The following GSG1L variants were observed in gnomAD, a reference collection of about 807,000 sequenced individuals.
GSG1L encodes the protein germ cell-specific gene 1-like protein.
GSG1L carries 24 observed loss-of-function variants against 42.1 expected under a neutral mutation model. The observed-to-expected ratio is 0.57, with a 90% CI of 0.41 to 0.80. The LOEUF (loss-of-function observed/expected upper bound fraction) is 0.80. GSG1L is among the 30% of genes least tolerant of loss of function. GSG1L has a pLI of 0.00. For missense variants in GSG1L, 445 were observed against 472.2 expected, an observed-to-expected ratio of 0.94 and a Z score of 0.53; for synonymous variants, 215 against 203.5, an observed-to-expected ratio of 1.06 and a Z score of -0.48.
chr16:27,867,823 C>A (rs865794897), intron 3 of GSG1L, among the ~76,000 whole-genome samples: 27 of 152,100 alleles, frequency 1.8e-4, no homozygotes, highest in Admixed American at 1.6e-3. Context: ...CCCCCTGAGG[C>A]CAGCCACTTC....
At chr16:27,858,271 C>T (rs892216276) in intron 3 of GSG1L, among the ~76,000 whole-genome samples, 3 of 152,306 alleles carry the variant, frequency 2.0e-5, no homozygotes, top group East Asian at 3.9e-4. Flanking sequence ...CTCTTTACCC[C>T]GGGCACTTTA....
At chr16:27,979,686 AGAAGGAAGGAAG>A (rs1271446807) in intron 1 of GSG1L, among the ~76,000 whole-genome samples, 2 of 40,084 alleles carry the variant, frequency 5.0e-5, no homozygotes, top group Non-Finnish European at 9.4e-5. Flanking sequence ...AGAGAAAGAA[AGAAGGAAGGAAG>A]GAAGGAAGGA....
chr16:28,025,699 A>T (rs188157434), intron 1 of GSG1L, among the ~76,000 whole-genome samples: 12 of 152,284 alleles, frequency 7.9e-5, no homozygotes, highest in Admixed American at 7.8e-4. Context: ...TTTGCCTGGG[A>T]CCCTGTGAAA....
intron 3 of GSG1L, among the ~76,000 whole-genome samples, chr16:27,863,809 C>T (rs1301648099): frequency 1.3e-5 from 2 of 152,218 alleles, no homozygotes; most frequent in African/African-American, 4.8e-5. Flanking sequence ...CTCCTACCTA[C>T]CCTCATTGAA....
chr16:28,063,152 G>C lies in GSG1L; in HGVS notation c.273C>G (p.Thr91=), dbSNP rs1159551802. The part of the protein sequence containing the change: ...PPGGALYSWE[T]GDDRFLFRNF... ...TCCTGAAGAGGAAGCGGTCGTCGCC[G>C]GTCTCCCAGCTGTAGAGCGCGCCGC... Residue 91 remains threonine, a synonymous_variant, in exon 1 of 7, where the codon ACC becomes ACG. Transcript: ENST00000447459. This position sits in a 1 kb window ranked among gnomAD's most constrained non-coding sequence, Gnocchi z 5.8. 5 of 1,423,914 alleles carry C rather than the reference G, an allele frequency of 3.5e-6. No individual in the cohort carries two copies. The highest frequency in any genetic ancestry group is 4.6e-6 in the Non-Finnish European group (5 of 1,082,688). 88.2% of individuals were successfully genotyped at this position (1,423,914 alleles called of 1,614,324 possible). A position where few individuals can be genotyped will look rare whatever the true frequency, so the allele number is the denominator to read the frequency against.
chr16:27,849,388 T>G (rs1043139406), intron 3 of GSG1L, among the ~76,000 whole-genome samples: 2 of 152,134 alleles, frequency 1.3e-5, no homozygotes, highest in East Asian at 1.9e-4. Flanking sequence ...CTGATTCTTC[T>G]AAGAAAATCA....
intron 3 of GSG1L, among the ~76,000 whole-genome samples, chr16:27,869,239 A>G (rs1161884420): frequency 6.6e-6 from 1 of 151,518 alleles, no homozygotes; most frequent in Non-Finnish European, 1.5e-5. Context: ...GGTGGAGAGA[A>G]CAGAAGAAGG....
chr16:27,848,718 G>A (rs112882547), intron 3 of GSG1L, among the ~76,000 whole-genome samples: 1 of 152,094 alleles, frequency 6.6e-6, no homozygotes, highest in Non-Finnish European at 1.5e-5. Context: ...TGGAGGTGGG[G>A]GGCACTTCAG....
At chr16:27,809,153 G>A (rs2083002297) in intron 5 of GSG1L, among the ~76,000 whole-genome samples, 1 of 152,160 alleles carries the variant, frequency 6.6e-6, no homozygotes, top group Non-Finnish European at 1.5e-5. Flanking sequence ...AGCATTTTGG[G>A]AGGCCGAGGC....
intron 5 of GSG1L, among the ~76,000 whole-genome samples, chr16:27,809,876 C>T (rs2083011572): frequency 6.6e-6 from 1 of 152,196 alleles, no homozygotes; most frequent in Middle Eastern, 3.2e-3. Flanking sequence ...TATCTCTGTT[C>T]CCTGACTCTT....
intron 1 of GSG1L, among the ~76,000 whole-genome samples, chr16:27,997,004 C>T (rs916051085): frequency 1.3e-5 from 2 of 152,146 alleles, no homozygotes; most frequent in Non-Finnish European, 2.9e-5. Flanking sequence ...TCAGGTGATC[C>T]ACCCACCTCG....
At chr16:28,006,462 C>T (rs1461205642) in intron 1 of GSG1L, among the ~76,000 whole-genome samples, 4 of 152,020 alleles carry the variant, frequency 2.6e-5, no homozygotes, top group African/African-American at 9.7e-5. Flanking sequence ...GCACACACCA[C>T]CATGCCTGGC....
At chr16:27,866,278 T>C (rs769391861) in intron 3 of GSG1L, among the ~76,000 whole-genome samples, 4 of 152,200 alleles carry the variant, frequency 2.6e-5, no homozygotes, top group African/African-American at 9.6e-5. Context: ...CATACTTAAA[T>C]ACCATGAAAG....
intron 1 of GSG1L, among the ~76,000 whole-genome samples, chr16:27,965,695 A>G (rs1379490891): frequency 1.3e-5 from 2 of 152,096 alleles, no homozygotes; most frequent in Admixed American, 1.3e-4. Context: ...TAGCTTCCCA[A>G]TGCGTCTAGC....
chr16:27,911,843 C>G (rs2084394819), intron 2 of GSG1L, among the ~76,000 whole-genome samples: 1 of 152,186 alleles, frequency 6.6e-6, no homozygotes, highest in African/African-American at 2.4e-5. Flanking sequence ...TTTCTCCACA[C>G]TTATTGCCAT....
intron 3 of GSG1L, among the ~76,000 whole-genome samples, chr16:27,856,165 C>G (rs965658835): frequency 2.0e-5 from 3 of 152,136 alleles, no homozygotes; most frequent in East Asian, 1.9e-4. Flanking sequence ...GCACCCCCCC[C>G]CATCCCCACA....
intron 2 of GSG1L, among the ~76,000 whole-genome samples, chr16:27,939,802 C>T (rs1416020034): frequency 6.6e-6 from 1 of 152,160 alleles, no homozygotes; most frequent in African/African-American, 2.4e-5. Flanking sequence ...TTTTCTTTCC[C>T]TCATGCATGC....
chr16:27,899,671 T>G (rs775481148), intron 2 of GSG1L, among the ~76,000 whole-genome samples: 10 of 152,088 alleles, frequency 6.6e-5, no homozygotes, highest in Non-Finnish European at 1.2e-4. Context: ...GAGCTATGAT[T>G]GTACCACTGC....
rs141947224 is a variant in GSG1L, at chr16:28,036,741, C to T, written c.349+26335G>A. Among the ~76,000 whole-genome samples the T allele has an allele frequency of 6.8e-4, 103 of 152,290 alleles. No homozygotes were observed. In the East Asian group the frequency reaches 9.9e-3, roughly 15 times the overall value. On this transcript the variant is annotated intron_variant, in intron 1 of 6. Transcript: ENST00000447459. Reference sequence around the variant, plus strand: ...GAGCTTGTTTCTATAAGGGCCTCTCCATCACTGTCTCTCTCTGATGGTGAC... The same window carrying T: ...GAGCTTGTTTCTATAAGGGCCTCTCTATCACTGTCTCTCTCTGATGGTGAC...
Sources: gnomAD v4.1 joint callset for allele counts (sites outside exome capture counted in the v4.1 genomes callset) on GRCh38, gnomAD v4.1.1 for gene constraint, Gnocchi (gnomAD v3.1) non-coding constraint, MANE v1.5 for transcripts, NCBI Gene and HGNC (gene_info 2026-07-23, HGNC 2026-07-21) for gene names.